The following NTM variants were observed in gnomAD, a reference collection of about 807,000 sequenced individuals.
The protein encoded by NTM is IgLON family member 2.
A neutral mutation model predicts 42.1 loss-of-function variants in NTM; 13 were observed. That is an observed-to-expected ratio of 0.31 (90% CI 0.20 to 0.49). The LOEUF (loss-of-function observed/expected upper bound fraction) is 0.49, where lower values mean the gene tolerates loss of function less well. Ranked by LOEUF, NTM falls within the 20% of genes least tolerant of loss-of-function variation. The pLI is 0.99. For synonymous variants in NTM, 187 were observed against 179.2 expected (o/e 1.04, Z -0.35); for missense variants, 373 against 452.8 (o/e 0.82, Z 1.60).
At chr11:131,634,400 A>G (rs908045571) in intron 1 of NTM, among the ~76,000 whole-genome samples, 19 of 150,328 alleles carry the variant, frequency 1.3e-4, no homozygotes, top group Non-Finnish European at 2.4e-4. Flanking sequence ...CCCCCTGGAA[A>G]AAAAAAAAAA....
At chr11:132,091,158 A>C (rs2136407640) in intron 2 of NTM, among the ~76,000 whole-genome samples, 1 of 152,214 alleles carries the variant, frequency 6.6e-6, no homozygotes, top group South Asian at 2.1e-4. Context: ...CGGAGGTTGA[A>C]GTAGGAAGAT....
chr11:132,203,974 T>C (rs1272184868), intron 3 of NTM, among the ~76,000 whole-genome samples: 2 of 152,190 alleles, frequency 1.3e-5, no homozygotes, highest in African/African-American at 2.4e-5. Context: ...ACAAGTTCCT[T>C]GACTCCTCTG....
rs557409211 is a variant in NTM, at chr11:132,005,937, G to A, written c.167+94289G>A. Among the ~76,000 whole-genome samples, 229 of 152,258 alleles carry A rather than the reference G, an allele frequency of 1.5e-3. 1 individual carries two copies. The highest frequency in any genetic ancestry group is 2.7e-3 in the Non-Finnish European group (183 of 68,008). ...AACCTAGGTTTTGAAGAAATAAAAGGTAAAGATTTTAACCACATTTGCGTG... is the reference window on the plus strand; with the variant it reads ...AACCTAGGTTTTGAAGAAATAAAAGATAAAGATTTTAACCACATTTGCGTG... On this transcript the variant is annotated intron_variant, in intron 2 of 8. Transcript: ENST00000683400.
intron 4 of NTM, among the ~76,000 whole-genome samples, chr11:132,235,993 GACACAC>G (rs367555812): frequency 7.1e-4 from 72 of 101,266 alleles, no homozygotes; most frequent in African/African-American, 1.0e-3. Flanking sequence ...CACACACACA[GACACAC>G]ACACACACAC....
chr11:131,382,037 C>T (rs960717738), intron 1 of NTM, among the ~76,000 whole-genome samples: 5 of 152,148 alleles, frequency 3.3e-5, no homozygotes, highest in Non-Finnish European at 7.4e-5. Context: ...CAATTCTATC[C>T]TTTCTCTTTT....
intron 1 of NTM, among the ~76,000 whole-genome samples, chr11:131,573,002 G>A (rs1454510791): frequency 2.0e-5 from 3 of 152,214 alleles, no homozygotes; most frequent in Non-Finnish European, 2.9e-5. Flanking sequence ...CTGGAGAGGA[G>A]GCTCAGGACC....
rs1006052840 is a variant in NTM at position 131,751,838 on chromosome 11, C to T, written c.83-159726C>T. 3.5e-5 allele frequency among the ~76,000 whole-genome samples: 5 copies of T among 143,780 alleles called. No homozygotes were observed. The East Asian group carries it at 1.0e-3, about 30-fold the overall frequency. The allele number at this position is 143,780 out of a possible 152,430, so 94.3% of individuals were successfully genotyped here. On this transcript the variant is annotated intron_variant, in intron 1 of 8. Transcript: ENST00000683400. ...TACTCATGTGTTTGTTTAACATCTG[C>T]CTCACACATTTGATTATAAGCTCCA...
At chr11:131,870,426 G>A (rs1168483793) in intron 1 of NTM, among the ~76,000 whole-genome samples, 1 of 152,174 alleles carries the variant, frequency 6.6e-6, no homozygotes, top group East Asian at 1.9e-4. Flanking sequence ...CTGAATGATG[G>A]TCTCTTTCCT....
In NTM at chr11:131,783,797, C is replaced by G. The variant is rs372505005; in HGVS notation, c.83-127767C>G. Reference sequence around the variant, plus strand: ...GAAAACTTAAGCAGTTAAACCTCATCCAAACTGAAATCTTTTACTCTGTGG... The same window carrying G: ...GAAAACTTAAGCAGTTAAACCTCATGCAAACTGAAATCTTTTACTCTGTGG... On this transcript the variant is annotated intron_variant, in intron 1 of 8. Coordinates refer to ENST00000683400, the MANE Select transcript of NTM (RefSeq NM_001352005.2). Among the ~76,000 whole-genome samples the G allele has an allele frequency of 4.7e-4, 71 of 152,194 alleles. 2 individuals are homozygous for G. In the East Asian group the frequency reaches 0.013, roughly 27 times the overall value.
chr11:132,020,774 C>A (rs1040332522), intron 2 of NTM, among the ~76,000 whole-genome samples: 2 of 151,990 alleles, frequency 1.3e-5, no homozygotes, highest in African/African-American at 4.8e-5. Context: ...TCTCAGTGTT[C>A]CCCTATAATT....
intron 1 of NTM, among the ~76,000 whole-genome samples, chr11:131,678,115 C>A (rs2071755609): frequency 6.6e-6 from 1 of 152,224 alleles, no homozygotes; most frequent in Non-Finnish European, 1.5e-5. Flanking sequence ...GCTTCCGGGG[C>A]CCCTGGTAAC....
chr11:131,911,480 G>A (rs2054990510), intron 1 of NTM, 84 bp from the exon 2 acceptor site: 1 of 1,614,004 alleles, frequency 6.2e-7, no homozygotes. Flanking sequence ...TGGCTGTCGA[G>A]AATGGGGGTC....
chr11:131,691,169 C>T (rs1312520856), intron 1 of NTM, among the ~76,000 whole-genome samples: 3 of 152,188 alleles, frequency 2.0e-5, no homozygotes, highest in Admixed American at 1.3e-4. Flanking sequence ...GGGGCCCAGG[C>T]CACCCCCGGC....
At chr11:132,203,975 G>C (rs1566463349) in intron 3 of NTM, among the ~76,000 whole-genome samples, 1 of 152,088 alleles carries the variant, frequency 6.6e-6, no homozygotes, top group Admixed American at 6.6e-5. Context: ...CAAGTTCCTT[G>C]ACTCCTCTGA....
chr11:132,003,257 CT>C lies in NTM; in HGVS notation c.167+91621del, dbSNP rs879657772. Among the ~76,000 whole-genome samples, 4,673 of 132,156 alleles carry C rather than the reference CT, an allele frequency of 0.035. 150 individuals are homozygous for C. Among genetic ancestry groups the C allele is most frequent in the African/African-American group, 0.095 (3,371 of 35,522 alleles). 86.7% of individuals were successfully genotyped at this position (132,156 alleles called of 152,430 possible). The stretch of plus-strand genomic sequence containing the variant: ...ACCCACACCCTTAGAGTTTTTTTTT[CT>C]TTTTTTTTTTTGACAGGTTATTTGT... On this transcript the variant is annotated intron_variant, in intron 2 of 8. Coordinates refer to ENST00000683400, the MANE Select transcript of NTM (RefSeq NM_001352005.2). The surrounding 1 kb of genome is among the most constrained non-coding windows in gnomAD (Gnocchi z 6.0).
intron 7 of NTM, among the ~76,000 whole-genome samples, chr11:132,329,139 T>C (rs2095748276): frequency 6.6e-6 from 1 of 152,176 alleles, no homozygotes; most frequent in Non-Finnish European, 1.5e-5. Context: ...TTTAGTTGCT[T>C]TTAGGATGAG....
intron 4 of NTM, among the ~76,000 whole-genome samples, chr11:132,281,407 G>C (rs1313847101): frequency 6.6e-6 from 1 of 152,156 alleles, no homozygotes; most frequent in Non-Finnish European, 1.5e-5. Flanking sequence ...GTGTGCCTCC[G>C]AAAGAGTTCA....
chr11:131,864,676 G>A (rs190074881), intron 1 of NTM, among the ~76,000 whole-genome samples: 1 of 152,298 alleles, frequency 6.6e-6, no homozygotes, highest in East Asian at 1.9e-4. Context: ...TTCGATTTTG[G>A]TTTTGATATA....
intron 2 of NTM, among the ~76,000 whole-genome samples, chr11:132,015,890 C>T (rs1454610183): frequency 2.6e-5 from 4 of 151,750 alleles, no homozygotes; most frequent in Non-Finnish European, 4.4e-5. Context: ...TCCTCCATTC[C>T]AATTTAGATG....
Sources: allele counts gnomAD v4.1 joint callset (sites outside exome capture counted in the v4.1 genomes callset), GRCh38; gene constraint gnomAD v4.1.1; non-coding constraint Gnocchi (gnomAD v3.1); transcripts MANE v1.5; gene names NCBI Gene and HGNC (gene_info 2026-07-23, HGNC 2026-07-21).